Variants in WARS2 observed in about 807,000 individuals in gnomAD.
WARS2 encodes the protein tryptophan--tRNA ligase, mitochondrial.
A neutral mutation model predicts 36.5 loss-of-function variants in WARS2; 28 were observed. The observed-to-expected ratio is 0.77, with a 90% confidence interval of 0.57 to 1.05. WARS2 has a LOEUF of 1.05. WARS2 is among the 50% of genes least tolerant of loss of function. The pLI, the probability that WARS2 is intolerant of heterozygous loss-of-function variation, is 0.00. For synonymous variants in WARS2, 174 were observed against 178.4 expected (o/e 0.98, Z 0.20); for missense variants, 435 against 456.8 (o/e 0.95, Z 0.44).
At chr1:119,058,352 A>C (rs1349699100) in intron 2 of WARS2, among the ~76,000 whole-genome samples, 1 of 119,392 alleles carries the variant, frequency 8.4e-6, no homozygotes, top group Non-Finnish European at 1.7e-5. Flanking sequence ...ACATGTGCAC[A>C]ATGTGCAGGT....
intron 2 of WARS2, among the ~76,000 whole-genome samples, chr1:119,068,216 T>C (rs1434341867): frequency 6.6e-6 from 1 of 152,184 alleles, no homozygotes; most frequent in Non-Finnish European, 1.5e-5. Context: ...TTAACAAATA[T>C]AAATACACTC....
chr1:119,095,463 A>C (rs912757160), intron 1 of WARS2, among the ~76,000 whole-genome samples: 9 of 152,018 alleles, frequency 5.9e-5, no homozygotes, highest in Admixed American at 5.9e-4. Context: ...TCACTCTGTC[A>C]CCCATGCTGG....
intron 1 of WARS2, chr1:119,085,455 TCTTTTTTTC>T (rs2101375125): frequency 6.5e-7 from 1 of 1,527,284 alleles, no homozygotes; most frequent in African/African-American, 1.5e-5. Context: ...TGTCTCTTTT[TCTTTTTTTC>T]CTTTTTGTCT....
intron 1 of WARS2, among the ~76,000 whole-genome samples, chr1:119,084,391 C>A (rs587693095): frequency 6.6e-6 from 1 of 152,126 alleles, no homozygotes; most frequent in Non-Finnish European, 1.5e-5. Flanking sequence ...ATGTTTAGTA[C>A]CAAATGTCAC....
At chr1:119,137,581 T>TA (rs1656601289) in intron 1 of WARS2, among the ~76,000 whole-genome samples, 1 of 152,208 alleles carries the variant, frequency 6.6e-6, no homozygotes, top group African/African-American at 2.4e-5. Flanking sequence ...ACTTAGTGCT[T>TA]AAAGAAGTAT....
intron 1 of WARS2, among the ~76,000 whole-genome samples, chr1:119,088,040 C>A (rs752914594): frequency 7.9e-5 from 12 of 152,176 alleles, no homozygotes; most frequent in Non-Finnish European, 1.0e-4. Flanking sequence ...ATTTATGCGG[C>A]CCGGGCTTTA....
chr1:119,060,017 C>T (rs1650245031), intron 2 of WARS2, among the ~76,000 whole-genome samples: 1 of 152,118 alleles, frequency 6.6e-6, no homozygotes, highest in Non-Finnish European at 1.5e-5. Flanking sequence ...ATGAAATAAT[C>T]TGTACACCAA....
At chr1:119,049,542 C>G (rs12085118) in intron 2 of WARS2, among the ~76,000 whole-genome samples, 2,458 of 152,262 alleles carry the variant, frequency 0.016, 60 homozygotes, top group East Asian at 0.051. Context: ...TTGCTGATGA[C>G]CTCCAGACTC....
chr1:119,085,128 T>A, intron 1 of WARS2: 1 of 783,410 alleles, frequency 1.3e-6, no homozygotes, highest in Non-Finnish European at 2.4e-6. Context: ...ACGCCCGTTG[T>A]ACGGGCTAGA....
chr1:119,140,277 C>G (rs986853404), intron 1 of WARS2: 1 of 344,266 alleles, frequency 2.9e-6, no homozygotes, highest in Non-Finnish European at 5.3e-6. Flanking sequence ...CCGCGTTGCC[C>G]GGCAACAGCG....
At chr1:119,128,202 G>A (rs994228827) in intron 1 of WARS2, among the ~76,000 whole-genome samples, 2 of 152,056 alleles carry the variant, frequency 1.3e-5, no homozygotes, top group Middle Eastern at 3.2e-3. Context: ...AGCTTCTCGA[G>A]AAGCTGGGAT....
rs587750112 is a variant in WARS2, at chr1:119,108,887, G to A, written c.90+31668C>T. Among the ~76,000 whole-genome samples, 15 of 151,774 alleles carry A rather than the reference G, an allele frequency of 9.9e-5. No homozygotes were observed. In the South Asian group the frequency reaches 3.1e-3, roughly 32 times the overall value. On this transcript the variant is annotated intron_variant, in intron 1 of 5. Transcript: ENST00000235521. ...TTTCCCTCTAAGCACTGCTTTCACTGCATCCCACAAATTTCAATAAGTTGT... is the reference window on the plus strand; with the variant it reads ...TTTCCCTCTAAGCACTGCTTTCACTACATCCCACAAATTTCAATAAGTTGT...
At chr1:119,045,351 G>A (rs1648703744) in intron 3 of WARS2, among the ~76,000 whole-genome samples, 1 of 152,170 alleles carries the variant, frequency 6.6e-6, no homozygotes, top group African/African-American at 2.4e-5. Context: ...AGGTAACTCT[G>A]ATTCAACTGT....
intron 1 of WARS2, among the ~76,000 whole-genome samples, chr1:119,106,373 T>C (rs1404511838): frequency 2.0e-5 from 3 of 152,182 alleles, no homozygotes; most frequent in Non-Finnish European, 4.4e-5. Context: ...GTATATTCTA[T>C]GGATTTGGAC....
At chr1:119,134,319 C>CAAAAAAAAAAAAA (rs761321480) in intron 1 of WARS2, among the ~76,000 whole-genome samples, 13 of 65,842 alleles carry the variant, frequency 2.0e-4, no homozygotes, top group African/African-American at 4.7e-4. Context: ...GGCAAAGGGG[C>CAAAAAAAAAAAAA]AAAAAAAAAA....
chr1:119,115,226 T>C (rs758678248), intron 1 of WARS2, among the ~76,000 whole-genome samples: 20 of 152,168 alleles, frequency 1.3e-4, no homozygotes, highest in Non-Finnish European at 2.5e-4. Context: ...AGAAAGGGGA[T>C]AGACTAGGAT....
chr1:119,091,990 T>C (rs879323510), intron 1 of WARS2, among the ~76,000 whole-genome samples: 2 of 152,200 alleles, frequency 1.3e-5, no homozygotes, highest in African/African-American at 4.8e-5. Flanking sequence ...TTTAATCATT[T>C]CAACAAAAGC....
intron 1 of WARS2, among the ~76,000 whole-genome samples, chr1:119,113,929 G>A (rs1054911345): frequency 2.0e-5 from 3 of 151,962 alleles, no homozygotes; most frequent in Admixed American, 1.3e-4. Flanking sequence ...CTTGCTTGAG[G>A]TAAAAATAAG....
chr1:119,098,062 A>G (rs1413986098), intron 1 of WARS2, among the ~76,000 whole-genome samples: 1 of 152,188 alleles, frequency 6.6e-6, no homozygotes, highest in East Asian at 1.9e-4. Flanking sequence ...CAGCCTGGCC[A>G]ATATGGTGAA....
Sources: gnomAD v4.1 joint callset for allele counts (sites outside exome capture counted in the v4.1 genomes callset) on GRCh38, gnomAD v4.1.1 for gene constraint, MANE v1.5 for transcripts, NCBI Gene and HGNC (gene_info 2026-07-23, HGNC 2026-07-21) for gene names.